DPP3: variants seen among roughly 807,000 people sequenced by gnomAD.
The protein encoded by DPP3 is DPP III.
DPP3 carries 64 observed loss-of-function variants against 89.8 expected under a neutral mutation model. The ratio of observed to expected loss-of-function variants is 0.71; its 90% confidence interval spans 0.58 to 0.88. The LOEUF (loss-of-function observed/expected upper bound fraction) is 0.88. DPP3 is among the 40% of genes least tolerant of loss of function. The probability of loss-of-function intolerance (pLI) is 0.00; values close to 1 mark genes in which losing one functional copy is unlikely to be tolerated. For synonymous variants in DPP3, 377 were observed against 404.3 expected, an observed-to-expected ratio of 0.93 and a Z score of 0.81; for missense variants, 835 against 972.5, an observed-to-expected ratio of 0.86 and a Z score of 1.88.
At chr11:66,493,747 G>A (rs1275652100) in intron 12 of DPP3, 114 bp downstream of exon 12, 11 of 1,169,182 alleles carry the variant, frequency 9.4e-6, no homozygotes, top group East Asian at 2.6e-5. Flanking sequence ...TATGGGTTGA[G>A]TGGGGAAAAT....
intron 16 of DPP3, among the ~76,000 whole-genome samples, chr11:66,502,473 A>G (rs1855701992): frequency 7.4e-6 from 1 of 136,044 alleles, no homozygotes; most frequent in South Asian, 2.4e-4. Context: ...ATGCCCAGCT[A>G]ATTTTTTTTT....
Position 66,509,375 on chromosome 11 carries a change from G to T in DPP3, c.*124G>T, listed in dbSNP as rs201407860. 8.8e-5 allele frequency: 135 copies of T among 1,539,978 alleles called. No homozygotes were observed. Among genetic ancestry groups the T allele is most frequent in the South Asian group, 5.5e-4 (46 of 84,044 alleles). ...GAGCTTGGACCTTGGTACTACCTCA[G>T]CTGAGGGTGGTGACACAACCCCTTC... On this transcript the variant is annotated 3_prime_UTR_variant, in exon 18 of 18. Transcript: ENST00000531863.
intron 12 of DPP3, among the ~76,000 whole-genome samples, chr11:66,494,179 G>C (rs995619225): frequency 6.6e-6 from 1 of 152,164 alleles, no homozygotes; most frequent in Admixed American, 6.5e-5. Flanking sequence ...AGTGGCTGGA[G>C]CCCCCTCCAT....
intron 3 of DPP3, among the ~76,000 whole-genome samples, chr11:66,485,957 T>C (rs113535344): frequency 2.9e-5 from 4 of 139,640 alleles, no homozygotes; most frequent in African/African-American, 5.5e-5. Context: ...CTTTTCTTTT[T>C]TTGAGATAGG....
At chr11:66,492,934 C>T (rs200247930) in intron 10 of DPP3, 24 bp downstream of exon 10, 39 of 1,597,770 alleles carry the variant, frequency 2.4e-5, no homozygotes, top group South Asian at 2.3e-4. Flanking sequence ...GCCCAGCCCC[C>T]GAGCCCCAGA....
At chr11:66,498,508 T>C (rs1425661118) in intron 16 of DPP3, among the ~76,000 whole-genome samples, 1 of 152,114 alleles carries the variant, frequency 6.6e-6, no homozygotes, top group African/African-American at 2.4e-5. Context: ...GGATTACAGG[T>C]GTGAGGCACT....
At position 66,509,376 on chromosome 11, in the gene DPP3, C is replaced by G. The variant is rs1246256840; in HGVS notation, c.*125C>G. 1.9e-6 allele frequency: 3 copies of G among 1,539,900 alleles called. No homozygotes were observed. In the African/African-American group the frequency reaches 4.1e-5, roughly 21 times the overall value. On this transcript the variant is annotated 3_prime_UTR_variant, in exon 18 of 18. Transcript: ENST00000531863. ...AGCTTGGACCTTGGTACTACCTCAG[C>G]TGAGGGTGGTGACACAACCCCTTCC...
At position 66,491,769 on chromosome 11, in the gene DPP3, GGGA is replaced by G. The variant is rs774064903; in HGVS notation, c.988+19_988+21del. On this transcript the variant is annotated intron_variant, in intron 9 of 17. Coordinates refer to ENST00000531863, the MANE Select transcript of DPP3 (RefSeq NM_130443.4). ...GGAGAATTTGAAGGTAACTTCCTCA[GGGA>G]GGAGGTCAGTCACAGTCCCTTCCCC... The G allele has an allele frequency of 1.2e-6, 2 of 1,613,144 alleles. No individual in the cohort carries two copies. The highest frequency in any genetic ancestry group is 1.1e-5 in the South Asian group (1 of 91,070).
At chr11:66,495,819 GGATGGGAC>G in intron 15 of DPP3, 69 bp downstream of exon 15, 39 of 1,548,348 alleles carry the variant, frequency 2.5e-5, no homozygotes, top group Non-Finnish European at 3.4e-5. Context: ...CAGGGTGCAA[GGATGGGAC>G]CACTGTACCT....
chr11:66,503,013 C>T (rs752205114), intron 16 of DPP3, among the ~76,000 whole-genome samples: 9 of 152,042 alleles, frequency 5.9e-5, no homozygotes, highest in Non-Finnish European at 1.0e-4. Context: ...TTGTCACCCA[C>T]GCTGGAGTGC....
At chr11:66,496,009 G>A (rs1855527101) in intron 15 of DPP3, among the ~76,000 whole-genome samples, 1 of 152,140 alleles carries the variant, frequency 6.6e-6, no homozygotes, top group Non-Finnish European at 1.5e-5. Flanking sequence ...CGCAGTTGAC[G>A]CACTCTCTGC....
At chr11:66,508,502 C>T (rs1855858766) in intron 17 of DPP3, among the ~76,000 whole-genome samples, 1 of 151,982 alleles carries the variant, frequency 6.6e-6, no homozygotes, top group Non-Finnish European at 1.5e-5. Context: ...TAGTGTGGCA[C>T]CTGGTGTCTT....
intron 16 of DPP3, among the ~76,000 whole-genome samples, chr11:66,498,125 G>T (rs1013992528): frequency 7.0e-6 from 1 of 143,524 alleles, no homozygotes; most frequent in South Asian, 2.3e-4. Context: ...ACAGGGTCTC[G>T]CTCTGTCGCC....
At position 66,482,425 on chromosome 11, in the gene DPP3, G is replaced by A; in HGVS notation, c.225G>A (p.Leu75=). ...RLFRAQDPDQ[L]RQHALAEGLT... is the part of the protein sequence containing the mutation. ...TCCGCGCCCAGGACCCCGACCAGCTGCGCCAACATGCCCTGGCTGAAGGCC... is the reference window on the plus strand; with the variant it reads ...TCCGCGCCCAGGACCCCGACCAGCTACGCCAACATGCCCTGGCTGAAGGCC... The change falls in exon 2 of 18, where the codon CTG becomes CTA. Residue 75 remains leucine (L), a synonymous_variant. Transcript: ENST00000531863. 1 of 1,609,004 alleles carries A rather than the reference G, an allele frequency of 6.2e-7. No individual in the cohort carries two copies. Among genetic ancestry groups the A allele is most frequent in the Non-Finnish European group, 8.5e-7 (1 of 1,180,018 alleles).
At position 66,481,980 on chromosome 11, in the gene DPP3, G is replaced by A. The variant is rs559981645; in HGVS notation, c.-8-213G>A. 1.2e-3 allele frequency: 825 copies of A among 663,754 alleles called. 10 individuals are homozygous for A. The highest frequency in any genetic ancestry group is 0.011 in the South Asian group (584 of 51,506). The allele number at this position is 663,754 out of a possible 1,614,324, so 41.1% of individuals were successfully genotyped here. Reference sequence around the variant, plus strand: ...CAATCTTTAAGGTTTAGGGACTACAGACCAAATATGGTCCACCAGTGTATT... The same window carrying A: ...CAATCTTTAAGGTTTAGGGACTACAAACCAAATATGGTCCACCAGTGTATT... On this transcript the variant is annotated intron_variant, in intron 1 of 17. Coordinates refer to ENST00000531863, the MANE Select transcript of DPP3 (RefSeq NM_130443.4).
intron 17 of DPP3, among the ~76,000 whole-genome samples, chr11:66,506,993 G>T (rs1459598707): frequency 6.6e-6 from 1 of 152,150 alleles, no homozygotes; most frequent in East Asian, 1.9e-4. Flanking sequence ...CTCATGCACA[G>T]CCTGGCACAC....
At chr11:66,493,039 CT>C (rs776165162) in intron 10 of DPP3, 27 bp from the exon 11 acceptor site, 39 of 1,613,356 alleles carry the variant, frequency 2.4e-5, no homozygotes, top group Admixed American at 3.3e-5. Flanking sequence ...CTCACCTCTT[CT>C]TTCTGGTCCT....
chr11:66,497,294 G>A lies in DPP3; in HGVS notation c.1699-4G>A. The A allele has an allele frequency of 6.2e-7, 1 of 1,612,722 alleles. No homozygotes were observed. Among genetic ancestry groups the A allele is most frequent in the African/African-American group, 1.3e-5 (1 of 75,032 alleles). On this transcript the variant is annotated splice_region_variant and splice_polypyrimidine_tract_variant and intron_variant, in intron 15 of 17. Transcript: ENST00000531863. ...CAAATGCTGTCTTTCCCCTGCTCCG[G>A]CAGGCCCATATGCAGGCCCGGTTTG...
rs944448150 is a variant in DPP3, at chr11:66,485,187, T to C, written c.285T>C (p.Tyr95=). ...CTCCCCCTCAGGCGTTCCTGGTCTA[T>C]GCCGCGGGTGTTTACTCCAACATGG... ...TEEEYQAFLV[Y]AAGVYSNMGN... is the part of the protein sequence containing the mutation. Residue 95 remains tyrosine (Y), a synonymous_variant, in exon 3 of 18, where the codon TAT becomes TAC. Transcript: ENST00000531863. The C allele has an allele frequency of 6.2e-7, 1 of 1,614,142 alleles. No homozygotes were observed.
Sources: gnomAD v4.1 joint callset for allele counts (sites outside exome capture counted in the v4.1 genomes callset) on GRCh38, gnomAD v4.1.1 for gene constraint, MANE v1.5 for transcripts, NCBI Gene and HGNC (gene_info 2026-07-23, HGNC 2026-07-21) for gene names.